The following SEL1L3 variants were observed in gnomAD, a reference collection of about 807,000 sequenced individuals.
SEL1L3 encodes the protein SEL1L family member 3.
SEL1L3 carries 76 observed loss-of-function variants against 142.8 expected under a neutral mutation model. That is an observed-to-expected ratio of 0.53 (90% CI 0.44 to 0.64). The LOEUF (loss-of-function observed/expected upper bound fraction) is 0.64. Ranked by LOEUF, SEL1L3 falls within the 30% of genes least tolerant of loss-of-function variation. The pLI, the probability that SEL1L3 is intolerant of heterozygous loss-of-function variation, is 0.00. For synonymous variants in SEL1L3, 504 were observed against 519.6 expected, an observed-to-expected ratio of 0.97 and a Z score of 0.41; for missense variants, 1,262 against 1,381.7, an observed-to-expected ratio of 0.91 and a Z score of 1.37.
At chr4:25,757,005 C>T (rs1250485504) in intron 23 of SEL1L3, 8 of 1,141,286 alleles carry the variant, frequency 7.0e-6, no homozygotes, top group East Asian at 6.3e-5. Context: ...CAGTGGCCCA[C>T]GCCTGTAATC....
rs112505013 is a variant in SEL1L3, at chr4:25,834,022, A to G, written c.861-453T>C. Reference sequence around the variant, plus strand: ...TGTTCCTTTCACAGATAAAAGCCATAAGGTAGAAAAATGTAATCATCTACA... The same window carrying G: ...TGTTCCTTTCACAGATAAAAGCCATGAGGTAGAAAAATGTAATCATCTACA... On this transcript the variant is annotated intron_variant, in intron 3 of 23. Transcript: ENST00000399878. Among the ~76,000 whole-genome samples, 1,094 of 152,356 alleles carry G rather than the reference A, an allele frequency of 7.2e-3. 12 individuals are homozygous for G. Among genetic ancestry groups the G allele is most frequent in the African/African-American group, 0.025 (1,039 of 41,582 alleles).
chr4:25,715,494 C>T, the SEL1L3 span, among the ~76,000 whole-genome samples: 5 of 152,028 alleles, frequency 3.3e-5, no homozygotes, highest in African/African-American at 1.2e-4. Flanking sequence ...ATTTTTACAA[C>T]CCCTATGGTG....
the SEL1L3 span, among the ~76,000 whole-genome samples, chr4:25,740,751 C>G: frequency 6.6e-6 from 1 of 152,110 alleles, no homozygotes; most frequent in African/African-American, 2.4e-5. Context: ...ATTTGTTTCC[C>G]CACATCCTCA....
chr4:25,757,480 ATC>A, intron 23 of SEL1L3, 52 bp downstream of exon 23: 10 of 1,009,308 alleles, frequency 9.9e-6, no homozygotes, highest in East Asian at 2.9e-5. Context: ...AAAAAAAAAA[ATC>A]CCTGCTTTTT....
the SEL1L3 span, among the ~76,000 whole-genome samples, chr4:25,714,541 T>TTTCTTTCTTTC: frequency 7.6e-6 from 1 of 132,320 alleles, no homozygotes; most frequent in Non-Finnish European, 1.6e-5. Flanking sequence ...TCTTTCTTTC[T>TTTCTTTCTTTC]TTCTTTCTTT....
chr4:25,847,182 A>G, intron 2 of SEL1L3, 112 bp downstream of exon 2: 1 of 836,280 alleles, frequency 1.2e-6, no homozygotes, highest in Non-Finnish European at 1.9e-6. Flanking sequence ...GTGTCCCTCC[A>G]TCTTCCCTGT....
chr4:25,849,042 G>A (rs1716719761), intron 1 of SEL1L3, among the ~76,000 whole-genome samples: 1 of 152,158 alleles, frequency 6.6e-6, no homozygotes, highest in African/African-American at 2.4e-5. Context: ...GGGAGGCTGA[G>A]GCAGGAGAAT....
chr4:25,863,503 G>C (rs774252149), upstream of SEL1L3: 18 of 702,464 alleles, frequency 2.6e-5, no homozygotes, highest in Middle Eastern at 2.3e-4. Context: ...TTTTTTGGCC[G>C]GGGCGCCATT....
chr4:25,724,773 G>GAAAAAAAAAAAAT, the SEL1L3 span, among the ~76,000 whole-genome samples: 1 of 26,480 alleles, frequency 3.8e-5, no homozygotes, highest in Non-Finnish European at 7.9e-5. Context: ...AAAAAAAAAG[G>GAAAAAAAAAAAAT]AAAAGAAATT....
chr4:25,722,890 T>C, the SEL1L3 span, among the ~76,000 whole-genome samples: 1 of 152,158 alleles, frequency 6.6e-6, no homozygotes, highest in African/African-American at 2.4e-5. Flanking sequence ...ATAAATGTTC[T>C]AGATTAATAT....
intron 9 of SEL1L3, among the ~76,000 whole-genome samples, chr4:25,810,270 C>T (rs75104831): frequency 0.013 from 1,979 of 152,222 alleles, 49 homozygotes; most frequent in African/African-American, 0.045. Flanking sequence ...TGCCCAGCTC[C>T]CCCCTCCCCT....
chr4:25,854,243 C>T (rs1431886800), intron 1 of SEL1L3, among the ~76,000 whole-genome samples: 1 of 152,140 alleles, frequency 6.6e-6, no homozygotes, highest in Non-Finnish European at 1.5e-5. Context: ...CTGGACAGGC[C>T]CACAGGCCTA....
In SEL1L3 at chr4:25,790,446, C is replaced by G; in HGVS notation, c.2076+9G>C. 2 of 1,613,334 alleles carry G rather than the reference C, an allele frequency of 1.2e-6. No individual in the cohort carries two copies. Among genetic ancestry groups the G allele is most frequent in the Non-Finnish European group, 1.7e-6 (2 of 1,179,434 alleles). On this transcript the variant is annotated intron_variant, in intron 12 of 23. Transcript: ENST00000399878. ...ACAGAATCCCCAAGACAGTAGCCTG[C>G]GTTTTTACCTGAGCTGCTGCATTGC...
intron 15 of SEL1L3, 131 bp downstream of exon 15, chr4:25,782,111 G>A (rs1377286333): frequency 1.7e-5 from 13 of 757,042 alleles, no homozygotes; most frequent in South Asian, 1.3e-4. Flanking sequence ...GTTTTCCTAC[G>A]AGACCCTCTG....
Position 25,835,235 on chromosome 4 carries a change from C to T in SEL1L3, c.822G>A (p.Glu274=), listed in dbSNP as rs779340509. 6.2e-7 allele frequency: 1 copy of T among 1,614,012 alleles called. No homozygotes were observed. The highest frequency in any genetic ancestry group is 1.7e-5 in the Admixed American group (1 of 60,022). The part of the protein sequence containing the change: ...VKKFPRFRNR[E]LEATRRQRMD... ...TCCTCTGGCGTCGAGTGGCCTCCAG[C>T]TCTCGGTTCCGAAACCTCGGGAACT... Residue 274 remains glutamate, a synonymous_variant, in exon 3 of 24, where the codon GAG becomes GAA. Transcript: ENST00000399878.
intron 9 of SEL1L3, among the ~76,000 whole-genome samples, chr4:25,809,957 G>A (rs866516438): frequency 3.8e-4 from 58 of 152,308 alleles, no homozygotes; most frequent in African/African-American, 1.3e-3. Flanking sequence ...GTAGAGCTTC[G>A]CTAGTGCAGC....
intron 12 of SEL1L3, among the ~76,000 whole-genome samples, chr4:25,789,707 C>T (rs545701597): frequency 6.6e-6 from 1 of 152,188 alleles, no homozygotes; most frequent in African/African-American, 2.4e-5. Flanking sequence ...AGAGACTCTT[C>T]CCGATGTTGC....
At chr4:25,755,815 A>G in intron 23 of SEL1L3, 2 of 933,120 alleles carry the variant, frequency 2.1e-6, no homozygotes, top group Non-Finnish European at 2.6e-6. Flanking sequence ...ACGGAACTGC[A>G]TTTGTAATAA....
In SEL1L3 at chr4:25,842,259, C is replaced by A. The variant is rs1716214656; in HGVS notation, c.733+5035G>T. 2.7e-5 allele frequency among the ~76,000 whole-genome samples: 4 copies of A among 149,118 alleles called. No homozygotes were observed. In the South Asian group the frequency reaches 8.5e-4, roughly 32 times the overall value. On this transcript the variant is annotated intron_variant, in intron 2 of 23. Transcript: ENST00000399878. ...GTTGTGGAAATTAAAAAAAAAAAAA[C>A]TCAACAAAACTTCAGGGTGGGGGCT... is the stretch of plus-strand genomic sequence containing the variant.
Sources: allele counts gnomAD v4.1 joint callset (sites outside exome capture counted in the v4.1 genomes callset), GRCh38; gene constraint gnomAD v4.1.1; transcripts MANE v1.5; gene names NCBI Gene and HGNC (gene_info 2026-07-23, HGNC 2026-07-21).